ZHX2: variants seen among roughly 807,000 people sequenced by gnomAD.
ZHX2 encodes zinc fingers and homeoboxes 2.
A neutral mutation model predicts 21.9 loss-of-function variants in ZHX2; 6 were observed. The ratio of observed to expected loss-of-function variants is 0.27; its 90% CI spans 0.15 to 0.54. The LOEUF (loss-of-function observed/expected upper bound fraction) is 0.54. Among genes scored for constraint, ZHX2 ranks in the 20% least tolerant of loss-of-function variants. ZHX2 has a pLI of 0.95. For synonymous variants in ZHX2, 434 were observed against 437.1 expected, an observed-to-expected ratio of 0.99 and a Z score of 0.09; for missense variants, 908 against 1,090.7, an observed-to-expected ratio of 0.83 and a Z score of 2.36.
At chr8:122,922,548 T>C (rs749876993) in intron 2 of ZHX2, among the ~76,000 whole-genome samples, 71 of 152,286 alleles carry the variant, frequency 4.7e-4, no homozygotes, top group Non-Finnish European at 7.1e-4. Flanking sequence ...GCCAAATGGA[T>C]CATGTGGCAG....
chr8:122,926,767 C>T (rs922428613), intron 2 of ZHX2, among the ~76,000 whole-genome samples: 1 of 152,190 alleles, frequency 6.6e-6, no homozygotes, highest in Non-Finnish European at 1.5e-5. Flanking sequence ...CCTTGGCTCA[C>T]AGCACCTTCC....
intron 2 of ZHX2, among the ~76,000 whole-genome samples, chr8:122,936,896 T>C (rs1181456056): frequency 6.6e-6 from 1 of 152,168 alleles, no homozygotes; most frequent in Non-Finnish European, 1.5e-5. Context: ...AGCCCCAGAA[T>C]GGAATCCCAC....
At chr8:122,850,994 G>A (rs759609518) in intron 1 of ZHX2, among the ~76,000 whole-genome samples, 6 of 152,126 alleles carry the variant, frequency 3.9e-5, no homozygotes, top group Non-Finnish European at 8.8e-5. Flanking sequence ...CGCTGGCTGT[G>A]TTCTCAGCCT....
chr8:122,911,152 C>G (rs566664833), intron 2 of ZHX2, among the ~76,000 whole-genome samples: 12 of 152,178 alleles, frequency 7.9e-5, no homozygotes, highest in Non-Finnish European at 1.5e-4. Context: ...CTGTGGGTCT[C>G]AGAAACCTCT....
chr8:122,870,638 C>CAAAAA (rs59071295), intron 2 of ZHX2, among the ~76,000 whole-genome samples: 17 of 63,900 alleles, frequency 2.7e-4, no homozygotes, highest in Non-Finnish European at 3.6e-4. Flanking sequence ...GTCTCTGTCT[C>CAAAAA]AAAAAAAAAA....
intron 1 of ZHX2, among the ~76,000 whole-genome samples, chr8:122,789,083 G>A (rs1426941040): frequency 6.6e-6 from 1 of 152,220 alleles, no homozygotes; most frequent in Non-Finnish European, 1.5e-5. Context: ...AGGAGAATCT[G>A]GGTGCTCCTT....
intron 1 of ZHX2, among the ~76,000 whole-genome samples, chr8:122,832,151 G>A (rs1178328656): frequency 6.6e-6 from 1 of 152,198 alleles, no homozygotes; most frequent in Non-Finnish European, 1.5e-5. Context: ...TCAGGTAAGA[G>A]CGTGGCCGGG....
In ZHX2 at chr8:122,951,984, C is replaced by T. The variant is rs768200301; in HGVS notation, c.474C>T (p.Thr158=). Residue 158 remains threonine, a synonymous_variant, in exon 3 of 4, where the codon ACC becomes ACT. Transcript: ENST00000314393. ...NQTVLEQSIE[T]TNHVVSITTS... ...CTGTCTTGGAACAGTCCATCGAAAC[C>T]ACCAACCATGTCGTGTCCATCACCA... 6.2e-7 allele frequency: 1 copy of T among 1,613,858 alleles called. No individual in the cohort carries two copies. The highest frequency in any genetic ancestry group is 8.5e-7 in the Non-Finnish European group (1 of 1,179,980).
At chr8:122,826,739 C>T (rs760196618) in intron 1 of ZHX2, among the ~76,000 whole-genome samples, 10 of 152,034 alleles carry the variant, frequency 6.6e-5, no homozygotes, top group Non-Finnish European at 1.0e-4. Flanking sequence ...AGAATGTGTT[C>T]GGAAAAATGT....
intron 1 of ZHX2, among the ~76,000 whole-genome samples, chr8:122,825,871 A>C (rs1818254233): frequency 6.6e-6 from 1 of 152,174 alleles, no homozygotes; most frequent in Non-Finnish European, 1.5e-5. Flanking sequence ...GTATTCCATC[A>C]AGCCATAAAT....
At chr8:122,967,366 T>G (rs1813609560) in intron 3 of ZHX2, among the ~76,000 whole-genome samples, 2 of 152,190 alleles carry the variant, frequency 1.3e-5, no homozygotes, top group Non-Finnish European at 2.9e-5. Context: ...CTCTCCCCCT[T>G]TCTCTAGGGA....
At chr8:122,960,739 G>C (rs1294463971) in intron 3 of ZHX2, among the ~76,000 whole-genome samples, 3 of 152,164 alleles carry the variant, frequency 2.0e-5, no homozygotes, top group African/African-American at 4.8e-5. Flanking sequence ...CAGAAGTGCA[G>C]AGGTTAAAAG....
intron 2 of ZHX2, among the ~76,000 whole-genome samples, chr8:122,929,192 T>A (rs1408824523): frequency 6.6e-6 from 1 of 152,254 alleles, no homozygotes; most frequent in Non-Finnish European, 1.5e-5. Context: ...CAGGCGCACT[T>A]ACTTTTTCAT....
chr8:122,879,454 C>T (rs997677649), intron 2 of ZHX2, among the ~76,000 whole-genome samples: 2 of 151,734 alleles, frequency 1.3e-5, no homozygotes, highest in African/African-American at 4.8e-5. Context: ...ATCCACCCAC[C>T]TTGGCCTCCC....
chr8:122,884,521 A>G (rs898004193), intron 2 of ZHX2, among the ~76,000 whole-genome samples: 1 of 152,170 alleles, frequency 6.6e-6, no homozygotes, highest in African/African-American at 2.4e-5. Context: ...TGCTGGTGTC[A>G]CAAATCCCCC....
intron 1 of ZHX2, among the ~76,000 whole-genome samples, chr8:122,853,002 A>C (rs766635833): frequency 6.6e-6 from 1 of 152,158 alleles, no homozygotes; most frequent in African/African-American, 2.4e-5. Flanking sequence ...TGCAGAGCCA[A>C]GGATATTCCC....
intron 1 of ZHX2, among the ~76,000 whole-genome samples, chr8:122,850,992 G>A (rs1818880996): frequency 6.6e-6 from 1 of 152,088 alleles, no homozygotes; most frequent in Non-Finnish European, 1.5e-5. Flanking sequence ...TGCGCTGGCT[G>A]TGTTCTCAGC....
rs1813224269 is a variant in ZHX2, at chr8:122,953,936, A to G, written c.2426A>G (p.Asp809Gly). The G allele has an allele frequency of 6.2e-7, 1 of 1,614,044 alleles. No individual in the cohort carries two copies. Among genetic ancestry groups the G allele is most frequent in the Admixed American group, 1.7e-5 (1 of 60,000 alleles). The change falls in exon 3 of 4, where the codon GAT (aspartate) becomes GGT (glycine). Residue 809 changes from aspartate to glycine, a missense_variant. By Grantham distance (94) the Asp-to-Gly change is moderately conservative. Coordinates refer to ENST00000314393, the MANE Select transcript of ZHX2 (RefSeq NM_014943.5). The surrounding 1 kb of genome is among the most constrained non-coding windows in gnomAD (Gnocchi z 4.6). Reference protein sequence around the residue: ...GEEDAISDRSDSWSQAAAEGV... With the variant: ...GEEDAISDRSGSWSQAAAEGV... ...GAGGATGCGATCTCAGATAGATCAG[A>G]TAGCTGGAGTCAGGCTGCGGCAGAA... is the stretch of plus-strand genomic sequence containing the variant.
At position 122,804,262 on chromosome 8, in the gene ZHX2, C is replaced by T. The variant is rs531921482; in HGVS notation, c.-283+22316C>T. 6.6e-5 allele frequency among the ~76,000 whole-genome samples: 10 copies of T among 152,286 alleles called. No homozygotes were observed. In the South Asian group the frequency reaches 2.1e-3, roughly 32 times the overall value. ...CAGCTGGGACCACAGGCGTGCACCACTGTGCCTGGCTAATTTTTGTATTTT... is the reference window on the plus strand; with the variant it reads ...CAGCTGGGACCACAGGCGTGCACCATTGTGCCTGGCTAATTTTTGTATTTT... On this transcript the variant is annotated intron_variant, in intron 1 of 3. Coordinates refer to ENST00000314393, the MANE Select transcript of ZHX2 (RefSeq NM_014943.5).
Sources: gnomAD v4.1 joint callset for allele counts (sites outside exome capture counted in the v4.1 genomes callset) on GRCh38, gnomAD v4.1.1 for gene constraint, Gnocchi (gnomAD v3.1) non-coding constraint, MANE v1.5 for transcripts, NCBI Gene and HGNC (gene_info 2026-07-23, HGNC 2026-07-21) for gene names.